Variants in PRR12 observed in about 807,000 individuals in gnomAD.
PRR12 encodes the protein proline-rich protein 12.
PRR12 carries 12 observed loss-of-function variants against 138.0 expected under a neutral mutation model. The observed-to-expected ratio is 0.09, with a 90% CI of 0.06 to 0.14. PRR12 has a LOEUF of 0.14. Among genes scored for constraint, PRR12 ranks in the 10% least tolerant of loss-of-function variants. The pLI is 1.00. For missense variants in PRR12, 2,692 were observed against 2,861.3 expected (o/e 0.94, Z 1.35); for synonymous variants, 1,567 against 1,291.7 (o/e 1.21, Z -4.57).
chr19:49,622,884 T>C (rs1436284974), intron 11 of PRR12, among the ~76,000 whole-genome samples: 1 of 116,976 alleles, frequency 8.5e-6, no homozygotes, highest in Non-Finnish European at 1.6e-5. Context: ...AGAGCGAGAC[T>C]CTGTCTCAAA....
At chr19:49,613,065 G>A (rs774443144) in intron 6 of PRR12, among the ~76,000 whole-genome samples, 7 of 151,926 alleles carry the variant, frequency 4.6e-5, no homozygotes, top group African/African-American at 1.4e-4. Context: ...GGACAAGCGC[G>A]GTGGCTCATG....
In PRR12 at chr19:49,614,682, G is replaced by A. The variant is rs376575314; in HGVS notation, c.4890+33G>A. ...TGCAAAGGGGACCAAGGACTTGGGG[G>A]CCCCGGGGCGTGGTATCTAGGAGCT... On this transcript the variant is annotated intron_variant, in intron 7 of 13. Transcript: ENST00000418929. The surrounding 1 kb of genome is among the most constrained non-coding windows in gnomAD (Gnocchi z 5.0). The A allele has an allele frequency of 2.0e-6, 3 of 1,533,314 alleles. No individual in the cohort carries two copies. The highest frequency in any genetic ancestry group is 4.0e-5 in the Admixed American group (2 of 50,384). 95.0% of individuals were successfully genotyped at this position (1,533,314 alleles called of 1,614,324 possible).
intron 9 of PRR12, 35 bp from the exon 10 acceptor site, chr19:49,620,317 T>G: frequency 1.9e-6 from 3 of 1,611,328 alleles, no homozygotes; most frequent in Non-Finnish European, 2.5e-6. Flanking sequence ...CAGAGGAAAT[T>G]GGGATAACGA....
rs949617137 is a variant in PRR12 at position 49,594,154 on chromosome 19, T to C, written c.200-300T>C. Reference sequence around the variant, plus strand: ...AGCCTTACTGAGGACTCTGTTCTTTTGCTCCTGGCTCTTTCGCTTCTAGAT... The same window carrying C: ...AGCCTTACTGAGGACTCTGTTCTTTCGCTCCTGGCTCTTTCGCTTCTAGAT... On this transcript the variant is annotated intron_variant, in intron 2 of 13. Coordinates refer to ENST00000418929, the MANE Select transcript of PRR12 (RefSeq NM_020719.3). The surrounding 1 kb of genome is among the most constrained non-coding windows in gnomAD (Gnocchi z 5.6). 1.3e-5 allele frequency among the ~76,000 whole-genome samples: 2 copies of C among 152,256 alleles called. No individual in the cohort carries two copies. Among genetic ancestry groups the C allele is most frequent in the African/African-American group, 4.8e-5 (2 of 41,466 alleles).
Position 49,619,224 on chromosome 19 carries a change from GTTT to G in PRR12, c.5498-1105_5498-1103del, listed in dbSNP as rs34027784. On this transcript the variant is annotated intron_variant, in intron 9 of 13. Coordinates refer to ENST00000418929, the MANE Select transcript of PRR12 (RefSeq NM_020719.3). Reference sequence around the variant, plus strand: ...AGGGTGAGTCTGATGCCTCCTGTGAGTTTTTTTTTTTTTTTTTTTTTTTTTGAG... The same window carrying G: ...AGGGTGAGTCTGATGCCTCCTGTGAGTTTTTTTTTTTTTTTTTTTTTTGAG... Among the ~76,000 whole-genome samples, 116 of 79,768 alleles carry G rather than the reference GTTT, an allele frequency of 1.5e-3. 1 individual carries two copies. Among genetic ancestry groups the G allele is most frequent in the African/African-American group, 5.6e-3 (104 of 18,608 alleles). 52.3% of individuals were successfully genotyped at this position (79,768 alleles called of 152,430 possible). A position where few individuals can be genotyped will look rare whatever the true frequency, so the allele number is the denominator to read the frequency against.
Position 49,601,684 on chromosome 19 carries a change from A to T in PRR12, c.4539A>T (p.Pro1513=). The T allele has an allele frequency of 6.5e-7, 1 of 1,536,010 alleles. No homozygotes were observed. The highest frequency in any genetic ancestry group is 8.7e-7 in the Non-Finnish European group (1 of 1,145,150). The change falls in exon 6 of 14, where the codon CCA becomes CCT. Residue 1513 remains proline, a synonymous_variant. Transcript: ENST00000418929. ...PPPPPAMPSP[P]PPPPPAAAPL... ...CTCCACCAGCCATGCCCTCGCCTCC[A>T]CCACCACCCCCACCAGCCGCTGCCC...
chr19:49,622,067 G>A (rs1358079311), intron 11 of PRR12, among the ~76,000 whole-genome samples: 1 of 152,206 alleles, frequency 6.6e-6, no homozygotes, highest in Non-Finnish European at 1.5e-5. Context: ...AACTGGCTCT[G>A]AGGATTCTGG....
chr19:49,625,539 C>T lies in PRR12; in HGVS notation c.6043C>T (p.Leu2015=), dbSNP rs1263662155. 1 of 1,612,618 alleles carries T rather than the reference C, an allele frequency of 6.2e-7. No homozygotes were observed. Among genetic ancestry groups the T allele is most frequent in the Non-Finnish European group, 8.5e-7 (1 of 1,179,514 alleles). ...GCAGTGCATGCGGAACCAGCCGTGG[C>T]TGGAACAGCTCTTTGACTCCTTCAG... ...VQQCMRNQPW[L]EQLFDSFSDL... is the part of the protein sequence containing the mutation. Residue 2015 remains leucine, a synonymous_variant, in exon 14 of 14, where the codon CTG becomes TTG. Coordinates refer to ENST00000418929, the MANE Select transcript of PRR12 (RefSeq NM_020719.3). This position sits in a 1 kb window ranked among gnomAD's most constrained non-coding sequence, Gnocchi z 5.5.
At chr19:49,620,288 T>C in intron 9 of PRR12, 64 bp from the exon 10 acceptor site, 1 of 1,599,518 alleles carries the variant, frequency 6.3e-7, no homozygotes, top group Admixed American at 1.7e-5. Context: ...GAGAACAGTG[T>C]CTGCCACACA....
chr19:49,615,985 C>A lies in PRR12; in HGVS notation c.5263C>A (p.Arg1755=), dbSNP rs1405867879. 6 of 1,552,482 alleles carry A rather than the reference C, an allele frequency of 3.9e-6. No individual in the cohort carries two copies. Among genetic ancestry groups the A allele is most frequent in the African/African-American group, 1.4e-5 (1 of 73,050 alleles). Residue 1755 remains arginine, a synonymous_variant, in exon 9 of 14, where the codon CGG becomes AGG. Coordinates refer to ENST00000418929, the MANE Select transcript of PRR12 (RefSeq NM_020719.3). ...EKVTRGERPL[R]GERATSGRQT... is the part of the protein sequence containing the mutation. ...GGTGACACGTGGAGAGCGGCCATTG[C>A]GGGGTGAGCGGGCCACCAGCGGACG...
chr19:49,604,727 C>T (rs2080829622), intron 6 of PRR12, among the ~76,000 whole-genome samples: 2 of 152,056 alleles, frequency 1.3e-5, no homozygotes, highest in Non-Finnish European at 2.9e-5. Flanking sequence ...TGACCGTCAC[C>T]ACCATCCATC....
chr19:49,607,361 G>GCA (rs72175242), intron 6 of PRR12, among the ~76,000 whole-genome samples: 16,215 of 147,794 alleles, frequency 0.11, 1,055 homozygotes, highest in African/African-American at 0.19. Context: ...ATGTACGTGT[G>GCA]CACACACACA....
At chr19:49,622,926 TATAGAGAGAGAGAGAG>T (rs1376208496) in intron 11 of PRR12, among the ~76,000 whole-genome samples, 1 of 87,484 alleles carries the variant, frequency 1.1e-5, no homozygotes, top group African/African-American at 6.3e-5. Context: ...TATATATATA[TATAGAGAGAGAGAGAG>T]AGAGAGAGAG....
intron 6 of PRR12, among the ~76,000 whole-genome samples, chr19:49,603,516 C>T (rs1387838198): frequency 1.3e-5 from 2 of 152,124 alleles, no homozygotes; most frequent in African/African-American, 4.8e-5. Flanking sequence ...CATGGTGAAA[C>T]CCCGTCTTTA....
At chr19:49,593,463 T>A in intron 2 of PRR12, 24 bp downstream of exon 2, 1 of 989,458 alleles carries the variant, frequency 1.0e-6, no homozygotes, top group Non-Finnish European at 1.4e-6. Flanking sequence ...CCCGCCCCGC[T>A]TTGGGCTGGC....
chr19:49,596,681 T>C lies in PRR12; in HGVS notation c.2346T>C (p.Leu782=), dbSNP rs1246904536. The C allele has an allele frequency of 1.7e-5, 28 of 1,604,244 alleles. No homozygotes were observed. The East Asian group carries it at 2.0e-4, about 12-fold the overall frequency. ...CCCAGCCCACTCCCCATGGCCTCCT[T>C]CTGGAGGCCGGGGGCCCTGACCTCC... ...QSTQPTPHGL[L]LEAGGPDLPL... Residue 782 remains leucine (L), a synonymous_variant, in exon 4 of 14, where the codon CTT becomes CTC. Transcript: ENST00000418929. This position sits in a 1 kb window ranked among gnomAD's most constrained non-coding sequence, Gnocchi z 5.6.
intron 11 of PRR12, among the ~76,000 whole-genome samples, chr19:49,624,169 C>G (rs112293920): frequency 8.2e-3 from 414 of 50,554 alleles, no homozygotes; most frequent in Admixed American, 1.0e-2. Flanking sequence ...TAGGTGGTTA[C>G]GATGGGGCTG....
Position 49,597,054 on chromosome 19 carries a change from A to C in PRR12, c.2719A>C (p.Lys907Gln), listed in dbSNP as rs758370893. Residue 907 changes from lysine to glutamine, a missense_variant, in exon 4 of 14, where the codon AAG becomes CAG. By Grantham distance (53) the Lys-to-Gln change is moderately conservative (BLOSUM62 1). Transcript: ENST00000418929. This position sits in a 1 kb window ranked among gnomAD's most constrained non-coding sequence, Gnocchi z 6.3. ...TGVGPPNSEG[K>Q]DPAGAYRSPS... ...CGTAGGCCCACCAAACTCGGAGGGC[A>C]AGGATCCCGCAGGCGCCTACCGCAG... is the stretch of plus-strand genomic sequence containing the variant. 3.2e-6 allele frequency: 5 copies of C among 1,553,976 alleles called. No individual in the cohort carries two copies. The South Asian group carries it at 5.9e-5, about 18-fold the overall frequency.
In PRR12 at chr19:49,625,602, G is replaced by C; in HGVS notation, c.6106G>C (p.Gly2036Arg). ...LAQAQAHSRC[G>R] ...CCAAGCACAGGCCCACAGCCGCTGC[G>C]GGTGACCCCGCCCCAGCTTGTGAGG... The change falls in exon 14 of 14, where the codon GGG (glycine) becomes CGG (arginine). Residue 2036 changes from glycine to arginine, a missense_variant. Physicochemically the swap from Gly to Arg is moderately radical, Grantham distance 125. Coordinates refer to ENST00000418929, the MANE Select transcript of PRR12 (RefSeq NM_020719.3). The surrounding 1 kb of genome is among the most constrained non-coding windows in gnomAD (Gnocchi z 5.5). 1.2e-6 allele frequency: 2 copies of C among 1,603,480 alleles called. No homozygotes were observed. Among genetic ancestry groups the C allele is most frequent in the Non-Finnish European group, 8.5e-7 (1 of 1,174,750 alleles).
Sources: gnomAD v4.1 joint callset for allele counts (sites outside exome capture counted in the v4.1 genomes callset) on GRCh38, gnomAD v4.1.1 for gene constraint, Gnocchi (gnomAD v3.1) non-coding constraint, MANE v1.5 for transcripts, NCBI Gene and HGNC (gene_info 2026-07-23, HGNC 2026-07-21) for gene names.